Variants in SULF2 observed in about 807,000 individuals in gnomAD.
The protein encoded by SULF2 is extracellular sulfatase Sulf-2.
In SULF2, 52 loss-of-function variants were observed where a neutral mutation model predicts 107.7. The observed-to-expected ratio is 0.48, with a 90% CI of 0.39 to 0.61. The LOEUF is 0.61. SULF2 is among the 20% of genes least tolerant of loss of function. The pLI is 0.00. For missense variants in SULF2, 993 were observed against 1,177.3 expected (o/e 0.84, Z 2.29); for synonymous variants, 460 against 464.3 (o/e 0.99, Z 0.12).
intron 10 of SULF2, among the ~76,000 whole-genome samples, chr20:47,674,832 T>C (rs1483284774): frequency 6.6e-6 from 1 of 152,024 alleles, no homozygotes; most frequent in African/African-American, 2.4e-5. Flanking sequence ...AGCAGGGACA[T>C]GGCAACGGCA....
chr20:47,720,109 C>T (rs536647235), intron 3 of SULF2, among the ~76,000 whole-genome samples: 84 of 152,190 alleles, frequency 5.5e-4, no homozygotes, highest in Non-Finnish European at 9.6e-4. Context: ...CCACCACGAC[C>T]GGCTAATTTT....
chr20:47,742,292 GA>G (rs2089903653), intron 2 of SULF2, among the ~76,000 whole-genome samples: 1 of 152,216 alleles, frequency 6.6e-6, no homozygotes, highest in South Asian at 2.1e-4. Flanking sequence ...CGGCCACACA[GA>G]AATGAAAAGG....
chr20:47,659,203 C>G (rs1602567340), intron 20 of SULF2, among the ~76,000 whole-genome samples, 196 bp downstream of exon 20: 1 of 152,300 alleles, frequency 6.6e-6, no homozygotes, highest in Non-Finnish European at 1.5e-5. Context: ...GTGTACTGGA[C>G]AAGGCATTAA....
intron 4 of SULF2, among the ~76,000 whole-genome samples, chr20:47,691,141 G>A (rs192920469): frequency 3.6e-4 from 55 of 152,328 alleles, no homozygotes; most frequent in African/African-American, 1.3e-3. Context: ...AGGCTCTGGG[G>A]ACACTGTCAT....
chr20:47,675,063 T>C (rs2087596818), intron 10 of SULF2, among the ~76,000 whole-genome samples: 1 of 152,198 alleles, frequency 6.6e-6, no homozygotes, highest in Non-Finnish European at 1.5e-5. Flanking sequence ...TCCTCTTTCT[T>C]GGCCCCAGCA....
intron 1 of SULF2, among the ~76,000 whole-genome samples, chr20:47,775,623 C>G (rs2090710430): frequency 6.6e-6 from 1 of 152,180 alleles, no homozygotes; most frequent in Non-Finnish European, 1.5e-5. Flanking sequence ...CTAATGAACA[C>G]TTGGAGGAGA....
Position 47,693,426 on chromosome 20 carries a change from G to A in SULF2, c.568-3131C>T, listed in dbSNP as rs6122605. Among the ~76,000 whole-genome samples, 550 of 152,266 alleles carry A rather than the reference G, an allele frequency of 3.6e-3. 16 individuals are homozygous for A. The South Asian group carries it at 0.055, about 15-fold the overall frequency. On this transcript the variant is annotated intron_variant, in intron 4 of 20. Transcript: ENST00000688720. ...GACTCATCTTCACTACTTCATCTTA[G>A]AACTATATGCCTGTTTGGCCGTGGT...
intron 1 of SULF2, among the ~76,000 whole-genome samples, chr20:47,782,520 C>T (rs751464081): frequency 1.3e-5 from 2 of 152,264 alleles, no homozygotes; most frequent in South Asian, 2.1e-4. Flanking sequence ...CTTCCACATC[C>T]GCCCAGGCCT....
intron 3 of SULF2, 88 bp downstream of exon 3, chr20:47,736,615 T>C (rs6063143): frequency 0.48 from 730,428 of 1,536,780 alleles, 175,596 homozygotes; most frequent in African/African-American, 0.56. Flanking sequence ...AGAATCAACT[T>C]GGGTACCGCA....
intron 10 of SULF2, among the ~76,000 whole-genome samples, chr20:47,674,999 T>C (rs1237933097): frequency 6.6e-6 from 1 of 152,122 alleles, no homozygotes; most frequent in Admixed American, 6.5e-5. Context: ...CCCTCAGCAC[T>C]CTCTTCCTTT....
chr20:47,783,200 C>G (rs1253380389), intron 1 of SULF2, among the ~76,000 whole-genome samples: 1 of 151,034 alleles, frequency 6.6e-6, no homozygotes, highest in Non-Finnish European at 1.5e-5. Flanking sequence ...TATCTTAAGT[C>G]TGGACTAAAC....
intron 2 of SULF2, among the ~76,000 whole-genome samples, chr20:47,752,870 G>A (rs1405801442): frequency 6.6e-6 from 1 of 152,164 alleles, no homozygotes; most frequent in Non-Finnish European, 1.5e-5. Flanking sequence ...GGGAGGCCGA[G>A]GCGGCGGACT....
At chr20:47,776,393 A>C (rs1292145412) in intron 1 of SULF2, among the ~76,000 whole-genome samples, 1 of 152,168 alleles carries the variant, frequency 6.6e-6, no homozygotes, top group Non-Finnish European at 1.5e-5. Context: ...CTCCTTTGTA[A>C]AACGGGGTTG....
chr20:47,747,780 T>A (rs2090076738), intron 2 of SULF2, among the ~76,000 whole-genome samples: 1 of 151,782 alleles, frequency 6.6e-6, no homozygotes, highest in African/African-American at 2.4e-5. Context: ...TCTCTGTAAA[T>A]GGCACTGCCA....
At position 47,697,648 on chromosome 20, in the gene SULF2, G is replaced by A. The variant is rs115224603; in HGVS notation, c.567+4871C>T. Among the ~76,000 whole-genome samples the A allele has an allele frequency of 5.0e-3, 765 of 152,306 alleles. 7 individuals carry two copies. Among genetic ancestry groups the A allele is most frequent in the African/African-American group, 0.017 (725 of 41,564 alleles). The stretch of plus-strand genomic sequence containing the variant: ...CCCACGTCCCTGTTAGAGCATCTCT[G>A]TTCCCAGGCCCCTGGTAACTGGGGG... On this transcript the variant is annotated intron_variant, in intron 4 of 20. Transcript: ENST00000688720.
chr20:47,662,953 T>C, intron 17 of SULF2, 117 bp downstream of exon 17: 1 of 1,190,594 alleles, frequency 8.4e-7, no homozygotes, highest in South Asian at 1.4e-5. Context: ...TCCCACCGGC[T>C]CAGGGACTCA....
At chr20:47,698,569 G>C (rs921269853) in intron 4 of SULF2, among the ~76,000 whole-genome samples, 126 of 152,202 alleles carry the variant, frequency 8.3e-4, no homozygotes, top group African/African-American at 2.8e-3. Flanking sequence ...ACAGTAGAGA[G>C]AAATCAACTC....
In SULF2 at chr20:47,658,140, T is replaced by C. The variant is rs2086953052; in HGVS notation, c.*222A>G. On this transcript the variant is annotated 3_prime_UTR_variant, in exon 21 of 21. Transcript: ENST00000688720. The stretch of plus-strand genomic sequence containing the variant: ...TGCATTTTGTGCAGCTGGTGAGGTA[T>C]AATCCAAAGCAAAAGCAGGGGCAAA... 2 of 599,274 alleles carry C rather than the reference T, an allele frequency of 3.3e-6. No individual in the cohort carries two copies. The allele number at this position is 599,274 out of a possible 1,614,324, so 37.1% of individuals were successfully genotyped here. A position where few individuals can be genotyped will look rare whatever the true frequency, so the allele number is the denominator to read the frequency against.
At chr20:47,686,615 G>T (rs1481478619) in intron 5 of SULF2, among the ~76,000 whole-genome samples, 3 of 152,242 alleles carry the variant, frequency 2.0e-5, no homozygotes, top group African/African-American at 7.2e-5. Context: ...AACAAGCCTG[G>T]TCAGAGGGGC....
Sources: gnomAD v4.1 joint callset for allele counts (sites outside exome capture counted in the v4.1 genomes callset) on GRCh38, gnomAD v4.1.1 for gene constraint, MANE v1.5 for transcripts, NCBI Gene and HGNC (gene_info 2026-07-23, HGNC 2026-07-21) for gene names.